The following MAP1LC3A variants were observed in gnomAD, a reference collection of about 807,000 sequenced individuals.
The protein encoded by MAP1LC3A is microtubule-associated protein 1 light chain 3 alpha.
In MAP1LC3A, 10 loss-of-function variants were observed where a neutral mutation model predicts 15.2. That is an observed-to-expected ratio of 0.66 (90% confidence interval 0.41 to 1.12). The LOEUF is 1.12. Ranked by LOEUF, MAP1LC3A falls within the 50% of genes most tolerant of loss-of-function variation. The pLI is 0.00. For synonymous variants in MAP1LC3A, 63 were observed against 64.3 expected (o/e 0.98, Z 0.10); for missense variants, 138 against 167.3 (o/e 0.82, Z 0.97).
chr20:34,558,924 C>A lies in MAP1LC3A; in HGVS notation c.40+16C>A. On this transcript the variant is annotated intron_variant, in intron 1 of 3. Coordinates refer to ENST00000360668, the MANE Select transcript of MAP1LC3A (RefSeq NM_032514.4). The surrounding 1 kb of genome is among the most constrained non-coding windows in gnomAD (Gnocchi z 4.3). Reference sequence around the variant, plus strand: ...CGGAGCTTCGGTGAGGCCCGGCAGGCGAGCTGCGAGCTCTGGGGCAGGGGT... The same window carrying A: ...CGGAGCTTCGGTGAGGCCCGGCAGGAGAGCTGCGAGCTCTGGGGCAGGGGT... The A allele has an allele frequency of 2.2e-6, 3 of 1,382,210 alleles. No homozygotes were observed. Among genetic ancestry groups the A allele is most frequent in the Admixed American group, 3.5e-5 (1 of 28,184 alleles). The allele number at this position is 1,382,210 out of a possible 1,614,324, so 85.6% of individuals were successfully genotyped here. A position where few individuals can be genotyped will look rare whatever the true frequency, so the allele number is the denominator to read the frequency against.
upstream of MAP1LC3A, among the ~76,000 whole-genome samples, chr20:34,554,708 C>G (rs1394021869): frequency 6.6e-6 from 1 of 151,718 alleles, no homozygotes; most frequent in Non-Finnish European, 1.5e-5. Flanking sequence ...CTCGCTCTGT[C>G]GCCAGGCTGG....
At chr20:34,548,052 A>G (rs1208035652) in intron 1 of MAP1LC3A, among the ~76,000 whole-genome samples, 1 of 152,100 alleles carries the variant, frequency 6.6e-6, no homozygotes, top group Non-Finnish European at 1.5e-5. Flanking sequence ...AGGTGGGACG[A>G]CACAGATGGG....
chr20:34,554,883 T>G (rs181470777), upstream of MAP1LC3A, among the ~76,000 whole-genome samples: 880 of 151,726 alleles, frequency 5.8e-3, 7 homozygotes, highest in African/African-American at 0.02. Context: ...TGTATTTTTT[T>G]TTTTTGTAGA....
chr20:34,558,973 GGTGACGTCAGCCCC>G lies in MAP1LC3A; in HGVS notation c.40+76_40+89del, dbSNP rs1982286919. 3 of 1,344,016 alleles carry G rather than the reference GGTGACGTCAGCCCC, an allele frequency of 2.2e-6. No homozygotes were observed. The highest frequency in any genetic ancestry group is 2.9e-6 in the Non-Finnish European group (3 of 1,052,396). The allele number at this position is 1,344,016 out of a possible 1,614,324, so 83.3% of individuals were successfully genotyped here. A position where few individuals can be genotyped will look rare whatever the true frequency, so the allele number is the denominator to read the frequency against. ...GTGCCGGCCGACCCCGACTGCCGCA[GGTGACGTCAGCCCC>G]GTGACGTCAGGCTCTGGCTGGACCC... On this transcript the variant is annotated intron_variant, in intron 1 of 3. Coordinates refer to ENST00000360668, the MANE Select transcript of MAP1LC3A (RefSeq NM_032514.4). The surrounding 1 kb of genome is among the most constrained non-coding windows in gnomAD (Gnocchi z 4.3).
rs780053121 is a variant in MAP1LC3A, at chr20:34,559,340, C to CT, written c.97-6dup. On this transcript the variant is annotated splice_polypyrimidine_tract_variant and splice_region_variant and intron_variant, in intron 2 of 3. Coordinates refer to ENST00000360668, the MANE Select transcript of MAP1LC3A (RefSeq NM_032514.4). Reference sequence around the variant, plus strand: ...CACGACCCCCTGCCCGCCCGCCCTGCTCCCAGGTGATCATCGAGCGCTACA... The same window carrying CT: ...CACGACCCCCTGCCCGCCCGCCCTGCTTCCCAGGTGATCATCGAGCGCTACA... 4.4e-6 allele frequency: 7 copies of CT among 1,590,510 alleles called. No homozygotes were observed. The highest frequency in any genetic ancestry group is 5.2e-6 in the Non-Finnish European group (6 of 1,161,492).
chr20:34,550,139 G>A (rs1427858968), intron 2 of MAP1LC3A: 4 of 986,946 alleles, frequency 4.1e-6, no homozygotes, highest in Admixed American at 2.1e-5. Flanking sequence ...CCGTGTGCCA[G>A]GCCGGCCAAG....
upstream of MAP1LC3A, chr20:34,557,967 C>T (rs533538876): frequency 2.8e-4 from 76 of 272,860 alleles, no homozygotes; most frequent in African/African-American, 1.6e-3. Flanking sequence ...CTTCAGTCTG[C>T]GCATTCTGCT....
intron 1 of MAP1LC3A, among the ~76,000 whole-genome samples, chr20:34,547,534 G>A (rs763772125): frequency 4.6e-5 from 7 of 150,612 alleles, no homozygotes; most frequent in Non-Finnish European, 7.4e-5. Context: ...ATCCCCAGGT[G>A]TCAAGGGAGA....
upstream of MAP1LC3A, among the ~76,000 whole-genome samples, chr20:34,557,622 C>T (rs1359958055): frequency 6.6e-6 from 1 of 152,160 alleles, no homozygotes; most frequent in Non-Finnish European, 1.5e-5. Flanking sequence ...TACTAAACTA[C>T]ATTCTTTAAA....
chr20:34,550,134 T>G (rs1480421884), intron 2 of MAP1LC3A: 6 of 1,155,128 alleles, frequency 5.2e-6, no homozygotes, highest in Non-Finnish European at 7.6e-6. Flanking sequence ...TCCGCCCGTG[T>G]GCCAGGCCGG....
At chr20:34,556,053 A>T (rs942462222), upstream of MAP1LC3A, among the ~76,000 whole-genome samples, 3 of 151,034 alleles carry the variant, frequency 2.0e-5, no homozygotes, top group African/African-American at 7.3e-5. Context: ...CATGTTAGCC[A>T]GGATGGTCTC....
intron 1 of MAP1LC3A, among the ~76,000 whole-genome samples, chr20:34,548,334 T>G (rs1227264845): frequency 6.6e-6 from 1 of 151,968 alleles, no homozygotes; most frequent in Non-Finnish European, 1.5e-5. Context: ...ACCCCATGAG[T>G]GGCTGGAGGC....
At position 34,559,845 on chromosome 20, in the gene MAP1LC3A, G is replaced by A. The variant is rs756593103; in HGVS notation, c.313G>A (p.Glu105Lys). The part of the protein sequence containing the change: ...IADIYEQEKD[E>K]DGFLYMVYAS... ...GGACATCTACGAGCAGGAGAAAGAC[G>A]AGGACGGCTTCCTCTATATGGTCTA... The change falls in exon 4 of 4, where the codon GAG becomes AAG. Residue 105 changes from glutamate (E) to lysine (K), a missense_variant. Transcript: ENST00000360668. 3.7e-6 allele frequency: 6 copies of A among 1,614,016 alleles called. No individual in the cohort carries two copies. In the South Asian group the frequency reaches 6.6e-5, roughly 18 times the overall value.
Position 34,559,203 on chromosome 20 carries a change from C to G in MAP1LC3A, c.41-5C>G, listed in dbSNP as rs1374881591. Reference sequence around the variant, plus strand: ...CCGGCCTCACGGTCTGGCCGCTGTCCGCAGCCGACCGCTGTAAGGAGGTAC... The same window carrying G: ...CCGGCCTCACGGTCTGGCCGCTGTCGGCAGCCGACCGCTGTAAGGAGGTAC... On this transcript the variant is annotated splice_region_variant and splice_polypyrimidine_tract_variant and intron_variant, in intron 1 of 3. Transcript: ENST00000360668. 2.5e-6 allele frequency: 4 copies of G among 1,589,772 alleles called. No individual in the cohort carries two copies. In the Admixed American group the frequency reaches 6.9e-5, roughly 27 times the overall value.
chr20:34,548,947 C>A (rs1053317185), intron 1 of MAP1LC3A, among the ~76,000 whole-genome samples: 3 of 152,164 alleles, frequency 2.0e-5, no homozygotes, highest in Admixed American at 1.3e-4. Flanking sequence ...CTCAGGTGAT[C>A]CACCCACCTC....
chr20:34,546,957 T>C (rs1981755736), intron 1 of MAP1LC3A: 1 of 152,162 alleles, frequency 6.6e-6, no homozygotes. Flanking sequence ...GGAGAGATCG[T>C]AAGGGGCCTC....
At position 34,558,782 on chromosome 20, in the gene MAP1LC3A, G is replaced by C. The variant is rs1418370166; in HGVS notation, c.-87G>C. On this transcript the variant is annotated 5_prime_UTR_variant, in exon 1 of 4. Transcript: ENST00000360668. The surrounding 1 kb of genome is among the most constrained non-coding windows in gnomAD (Gnocchi z 4.3). The stretch of plus-strand genomic sequence containing the variant: ...CGCGAGCCCCGGAGCCCTTGAGCGC[G>C]AGGCGCGGAGCCCCCGGAGCCCCCA... 2.2e-6 allele frequency: 3 copies of C among 1,352,666 alleles called. No individual in the cohort carries two copies. In the African/African-American group the frequency reaches 4.6e-5, roughly 21 times the overall value. The allele number at this position is 1,352,666 out of a possible 1,614,324, so 83.8% of individuals were successfully genotyped here.
intron 2 of MAP1LC3A, among the ~76,000 whole-genome samples, chr20:34,550,610 C>T (rs907724499): frequency 6.6e-6 from 1 of 152,186 alleles, no homozygotes; most frequent in African/African-American, 2.4e-5. Flanking sequence ...GCCAAAATGG[C>T]GAAACGAAAA....
At position 34,559,840 on chromosome 20, in the gene MAP1LC3A, A is replaced by G; in HGVS notation, c.308A>G (p.Lys103Arg). ...TPIADIYEQE[K>R]DEDGFLYMVY... ...ATCGCGGACATCTACGAGCAGGAGAAAGACGAGGACGGCTTCCTCTATATG... is the reference window on the plus strand; with the variant it reads ...ATCGCGGACATCTACGAGCAGGAGAGAGACGAGGACGGCTTCCTCTATATG... Residue 103 changes from lysine to arginine, a missense_variant, in exon 4 of 4, where the codon AAA (lysine) becomes AGA (arginine). By Grantham distance (26) the Lys-to-Arg change is conservative. Coordinates refer to ENST00000360668, the MANE Select transcript of MAP1LC3A (RefSeq NM_032514.4). 1.2e-6 allele frequency: 2 copies of G among 1,614,062 alleles called. No individual in the cohort carries two copies. The highest frequency in any genetic ancestry group is 1.7e-6 in the Non-Finnish European group (2 of 1,180,010).
Sources: gnomAD v4.1 joint callset for allele counts (sites outside exome capture counted in the v4.1 genomes callset) on GRCh38, gnomAD v4.1.1 for gene constraint, Gnocchi (gnomAD v3.1) non-coding constraint, MANE v1.5 for transcripts, NCBI Gene and HGNC (gene_info 2026-07-23, HGNC 2026-07-21) for gene names.